RBFOX1: variants seen among roughly 807,000 people sequenced by gnomAD.
RBFOX1 encodes RNA binding fox-1 homolog 1, also known as RNA binding protein fox-1 homolog 1.
Under a neutral mutation model 57.7 loss-of-function variants are expected in RBFOX1, and 8 were observed. The observed-to-expected ratio is 0.14, with a 90% CI of 0.08 to 0.25. The LOEUF is 0.25. Among genes scored for constraint, RBFOX1 ranks in the 10% least tolerant of loss-of-function variants. RBFOX1 has a pLI of 1.00. For synonymous variants in RBFOX1, 326 were observed against 222.4 expected, an observed-to-expected ratio of 1.47 and a Z score of -4.15; for missense variants, 611 against 548.5, an observed-to-expected ratio of 1.11 and a Z score of -1.14.
intron 3 of RBFOX1, among the ~76,000 whole-genome samples, chr16:5,658,731 T>C (rs1455162331): frequency 1.3e-5 from 1 of 77,094 alleles, no homozygotes; most frequent in African/African-American, 3.8e-5. Context: ...CATACATACA[T>C]ATATATAAAT....
intron 6 of RBFOX1, among the ~76,000 whole-genome samples, chr16:7,582,611 G>T (rs559101224): frequency 6.6e-6 from 1 of 152,172 alleles, no homozygotes; most frequent in East Asian, 1.9e-4. Flanking sequence ...CTGGAGCTTA[G>T]GGAATTTAGG....
In RBFOX1 at chr16:6,428,886, T is replaced by C. The variant is rs183180058; in HGVS notation, c.-64+111829T>C. On this transcript the variant is annotated intron_variant, in intron 2 of 15. Transcript: ENST00000550418. ...ATTGTTTGTTTTACTAGAGATTTAT[T>C]AGCTTTATCAAAGTATCGTGTAGGA... Among the ~76,000 whole-genome samples, 109 of 152,356 alleles carry C rather than the reference T, an allele frequency of 7.2e-4. 2 individuals carry two copies. In the East Asian group the frequency reaches 0.02, roughly 28 times the overall value.
At chr16:7,706,581 AAAT>A (rs1367762054) in intron 14 of RBFOX1, among the ~76,000 whole-genome samples, 2 of 152,338 alleles carry the variant, frequency 1.3e-5, no homozygotes, top group African/African-American at 4.8e-5. Context: ...CCAATTTTTA[AAAT>A]AATATATCTG....
chr16:7,043,210 C>T (rs185725876), intron 3 of RBFOX1, among the ~76,000 whole-genome samples: 1 of 152,286 alleles, frequency 6.6e-6, no homozygotes, highest in East Asian at 1.9e-4. Context: ...CACTGCTTCC[C>T]GTCCTTCAGC....
chr16:6,249,329 A>G (rs1443915482), intron 1 of RBFOX1, among the ~76,000 whole-genome samples: 1 of 152,158 alleles, frequency 6.6e-6, no homozygotes, highest in Non-Finnish European at 1.5e-5. Context: ...GTTCAAGACC[A>G]GGCTGGCCAA....
intron 4 of RBFOX1, among the ~76,000 whole-genome samples, chr16:7,398,482 G>A (rs990148578): frequency 6.6e-6 from 1 of 152,186 alleles, no homozygotes; most frequent in African/African-American, 2.4e-5. Context: ...CTTGGTGATA[G>A]GCATCAGTGG....
chr16:6,611,340 T>A (rs2154024944), intron 2 of RBFOX1, among the ~76,000 whole-genome samples: 1 of 152,166 alleles, frequency 6.6e-6, no homozygotes, highest in South Asian at 2.1e-4. Flanking sequence ...AGAGACAGGG[T>A]TTTGCCATGT....
chr16:6,062,292 C>CA (rs1333627264), intron 1 of RBFOX1, among the ~76,000 whole-genome samples: 2 of 93,044 alleles, frequency 2.1e-5, no homozygotes, highest in African/African-American at 7.9e-5. Flanking sequence ...CCATCTTTAG[C>CA]CCCCCTGCCC....
rs114536505 is a variant in RBFOX1 at position 6,132,383 on chromosome 16, T to C, written c.-127+112391T>C. ...TGCATGATGCAGTTACCACAGCATG[T>C]AGATACCACAGATACGGTTACCACA... On this transcript the variant is annotated intron_variant, in intron 1 of 15. Coordinates refer to ENST00000550418, the MANE Select transcript of RBFOX1 (RefSeq NM_018723.4). Among the ~76,000 whole-genome samples the C allele has an allele frequency of 9.8e-3, 1,488 of 152,304 alleles. 25 individuals are homozygous for C. The highest frequency in any genetic ancestry group is 0.032 in the African/African-American group (1,328 of 41,576).
chr16:7,029,712 G>C (rs1231848909), intron 3 of RBFOX1, among the ~76,000 whole-genome samples: 1 of 152,118 alleles, frequency 6.6e-6, no homozygotes, highest in East Asian at 1.9e-4. Flanking sequence ...TATAATTATA[G>C]GGTGGTAGCA....
intron 1 of RBFOX1, among the ~76,000 whole-genome samples, chr16:6,098,090 G>C (rs2096266043): frequency 6.6e-6 from 1 of 152,194 alleles, no homozygotes; most frequent in Non-Finnish European, 1.5e-5. Flanking sequence ...ATGTACTTGA[G>C]AGGAGAAGGG....
chr16:5,430,173 C>T (rs903254790), intron 1 of RBFOX1, among the ~76,000 whole-genome samples: 4 of 152,106 alleles, frequency 2.6e-5, no homozygotes, highest in Admixed American at 6.5e-5. Flanking sequence ...TCTTCATGGA[C>T]GGACCAGCCA....
intron 3 of RBFOX1, among the ~76,000 whole-genome samples, chr16:6,964,042 G>A (rs567418016): frequency 6.6e-6 from 1 of 151,594 alleles, no homozygotes; most frequent in East Asian, 1.9e-4. Flanking sequence ...TTTTCAACAT[G>A]AAGTCTTGCT....
intron 2 of RBFOX1, among the ~76,000 whole-genome samples, chr16:6,499,238 T>C (rs752877627): frequency 2.0e-5 from 3 of 152,138 alleles, no homozygotes; most frequent in Non-Finnish European, 4.4e-5. Context: ...CAAAATGATA[T>C]GGTGATGCAA....
intron 9 of RBFOX1, among the ~76,000 whole-genome samples, chr16:7,600,655 T>C (rs955706844): frequency 6.6e-6 from 1 of 152,218 alleles, no homozygotes; most frequent in African/African-American, 2.4e-5. Flanking sequence ...AAGTTTCAGG[T>C]CATCTCCAGG....
intron 3 of RBFOX1, among the ~76,000 whole-genome samples, chr16:5,646,803 T>A (rs2049069230): frequency 6.6e-6 from 1 of 151,780 alleles, no homozygotes; most frequent in African/African-American, 2.4e-5. Flanking sequence ...CTTGGCTAAT[T>A]TTTATATTTT....
chr16:7,026,516 A>ATC (rs1272911787), intron 3 of RBFOX1, among the ~76,000 whole-genome samples: 1 of 150,774 alleles, frequency 6.6e-6, no homozygotes, highest in Non-Finnish European at 1.5e-5. Context: ...CTCTGTTTCT[A>ATC]TCTCTCTCAC....
intron 4 of RBFOX1, among the ~76,000 whole-genome samples, chr16:7,085,947 T>C (rs890582309): frequency 2.6e-5 from 4 of 152,154 alleles, no homozygotes; most frequent in Admixed American, 2.6e-4. Flanking sequence ...GGCTCTAAAA[T>C]GTACTAAGCA....
At chr16:7,093,556 A>T (rs746288296) in intron 4 of RBFOX1, among the ~76,000 whole-genome samples, 1 of 152,190 alleles carries the variant, frequency 6.6e-6, no homozygotes, top group African/African-American at 2.4e-5. Flanking sequence ...AGGAATGATG[A>T]TGGACCCTCA....
Sources: gnomAD v4.1 joint callset for allele counts (sites outside exome capture counted in the v4.1 genomes callset) on GRCh38, gnomAD v4.1.1 for gene constraint, MANE v1.5 for transcripts, NCBI Gene and HGNC (gene_info 2026-07-23, HGNC 2026-07-21) for gene names.